GNG4: variants seen among roughly 807,000 people sequenced by gnomAD.
The protein encoded by GNG4 is guanine nucleotide-binding protein G(I)/G(S)/G(O) subunit gamma-4.
Under a neutral mutation model 5.8 loss-of-function variants are expected in GNG4, and 4 were observed. The observed-to-expected ratio is 0.69, with a 90% confidence interval of 0.34 to 1.57. The LOEUF is 1.57. Ranked by LOEUF, GNG4 falls within the 40% of genes most tolerant of loss-of-function variation. GNG4 has a pLI of 0.06. For missense variants in GNG4, 96 were observed against 95.1 expected (o/e 1.01, Z -0.04); for synonymous variants, 29 against 32.9 (o/e 0.88, Z 0.41).
At chr1:235,593,885 C>G (rs1203507200) in intron 2 of GNG4, among the ~76,000 whole-genome samples, 1 of 152,160 alleles carries the variant, frequency 6.6e-6, no homozygotes, top group East Asian at 1.9e-4. Flanking sequence ...GAATTTGTTG[C>G]AAAGAGCAAA....
chr1:235,641,579 C>T (rs543019823), intron 1 of GNG4, among the ~76,000 whole-genome samples: 7 of 152,050 alleles, frequency 4.6e-5, no homozygotes, highest in Non-Finnish European at 8.8e-5. Context: ...TAATCCCAGC[C>T]GCTAGGGAGG....
chr1:235,561,757 C>G (rs886789643), intron 3 of GNG4, among the ~76,000 whole-genome samples: 1 of 152,156 alleles, frequency 6.6e-6, no homozygotes, highest in African/African-American at 2.4e-5. Flanking sequence ...TTTCTCCCAG[C>G]GTGTGGCTTG....
At chr1:235,630,343 CA>C (rs1473137058) in intron 1 of GNG4, among the ~76,000 whole-genome samples, 3 of 152,212 alleles carry the variant, frequency 2.0e-5, no homozygotes, top group African/African-American at 7.2e-5. Flanking sequence ...TACACATCTT[CA>C]AATGCCGTAA....
At chr1:235,568,913 T>A (rs1211272277) in intron 3 of GNG4, among the ~76,000 whole-genome samples, 3 of 151,614 alleles carry the variant, frequency 2.0e-5, no homozygotes, top group African/African-American at 7.3e-5. Flanking sequence ...TGAAACCTTC[T>A]CCGCCTAGGT....
rs1686699120 is a variant in GNG4, at chr1:235,550,020, G to A, written c.*2089C>T. 1 of 152,212 alleles carries A rather than the reference G, an allele frequency of 6.6e-6. No individual in the cohort carries two copies. Among genetic ancestry groups the A allele is most frequent in the Admixed American group, 6.5e-5 (1 of 15,286 alleles). The allele number at this position is 152,212 out of a possible 1,614,324, so 9.4% of individuals were successfully genotyped here. Reference sequence around the variant, plus strand: ...CAAATGGCCTGTTCTCTATCACACAGCAAGTCTCTTTCAGAACTAGGGAGA... The same window carrying A: ...CAAATGGCCTGTTCTCTATCACACAACAAGTCTCTTTCAGAACTAGGGAGA... On this transcript the variant is annotated 3_prime_UTR_variant, in exon 4 of 4. Coordinates refer to ENST00000391854, the MANE Select transcript of GNG4 (RefSeq NM_001098722.2).
intron 1 of GNG4, among the ~76,000 whole-genome samples, chr1:235,607,835 C>T (rs1383126074): frequency 6.6e-6 from 1 of 152,194 alleles, no homozygotes; most frequent in African/African-American, 2.4e-5. Context: ...GGCCCAGCCC[C>T]CTCCCCTCAC....
chr1:235,609,159 T>C (rs1688424861), intron 1 of GNG4, among the ~76,000 whole-genome samples: 1 of 152,174 alleles, frequency 6.6e-6, no homozygotes, highest in African/African-American at 2.4e-5. Context: ...TGTAATGTTT[T>C]CAGGATTCAT....
chr1:235,570,361 A>G, intron 3 of GNG4, among the ~76,000 whole-genome samples: 1 of 99,698 alleles, frequency 1.0e-5, no homozygotes, highest in African/African-American at 3.9e-5. Flanking sequence ...TAGCTTTTCC[A>G]CCTCCCTTTC....
chr1:235,582,845 G>T (rs1186754906), intron 3 of GNG4, among the ~76,000 whole-genome samples: 3 of 152,160 alleles, frequency 2.0e-5, no homozygotes, highest in African/African-American at 7.2e-5. Flanking sequence ...TCCTTGGAGA[G>T]GTTGTACCCC....
At chr1:235,554,619 G>A (rs1686844512) in intron 3 of GNG4, among the ~76,000 whole-genome samples, 1 of 152,132 alleles carries the variant, frequency 6.6e-6, no homozygotes, top group South Asian at 2.1e-4. Flanking sequence ...CAAGGCGGGT[G>A]GATCGCCTGA....
At chr1:235,575,298 ATCGTAAGTTGAAAATG>A (rs1473920601) in intron 3 of GNG4, among the ~76,000 whole-genome samples, 7 of 152,300 alleles carry the variant, frequency 4.6e-5, no homozygotes, top group Non-Finnish European at 1.0e-4. Flanking sequence ...GCATAAACCC[ATCGTAAGTTGAAAATG>A]TCGTAAGTTG....
At chr1:235,604,146 G>GTTA (rs1415738427) in intron 1 of GNG4, among the ~76,000 whole-genome samples, 3 of 152,198 alleles carry the variant, frequency 2.0e-5, no homozygotes, top group Admixed American at 6.5e-5. Flanking sequence ...TGACTGCTGG[G>GTTA]TTATTCAAGT....
chr1:235,610,841 T>C lies in GNG4; in HGVS notation c.-122-15330A>G, dbSNP rs555928351. The stretch of plus-strand genomic sequence containing the variant: ...GGCTCACTCCTGTAATCCCAACACT[T>C]TGGGAGGCTGAGGAGGGCGGATCAC... On this transcript the variant is annotated intron_variant, in intron 1 of 3. Coordinates refer to ENST00000391854, the MANE Select transcript of GNG4 (RefSeq NM_001098722.2). Among the ~76,000 whole-genome samples the C allele has an allele frequency of 1.6e-4, 25 of 152,104 alleles. No homozygotes were observed. In the South Asian group the frequency reaches 5.2e-3, roughly 32 times the overall value.
chr1:235,622,878 A>G (rs1208954984), intron 1 of GNG4, among the ~76,000 whole-genome samples: 1 of 149,266 alleles, frequency 6.7e-6, no homozygotes, highest in Admixed American at 6.7e-5. Flanking sequence ...CATCTCAAAA[A>G]AAAAAAAAAA....
intron 2 of GNG4, among the ~76,000 whole-genome samples, chr1:235,589,683 G>A (rs886223243): frequency 2.6e-5 from 4 of 152,240 alleles, no homozygotes; most frequent in Admixed American, 2.6e-4. Context: ...TCATAGGGAG[G>A]GTTTTCCTCC....
chr1:235,592,825 C>T (rs1023548360), intron 2 of GNG4, among the ~76,000 whole-genome samples: 7 of 152,176 alleles, frequency 4.6e-5, no homozygotes, highest in Non-Finnish European at 1.0e-4. Flanking sequence ...GAGCATGAGC[C>T]GCCGGGTCCT....
At chr1:235,576,351 C>T (rs757455067) in intron 3 of GNG4, among the ~76,000 whole-genome samples, 20 of 152,056 alleles carry the variant, frequency 1.3e-4, no homozygotes, top group Non-Finnish European at 2.5e-4. Context: ...CGTGAGCCAC[C>T]GCGCCCAACC....
intron 1 of GNG4, among the ~76,000 whole-genome samples, chr1:235,599,560 C>T (rs1007554226): frequency 6.6e-6 from 1 of 152,114 alleles, no homozygotes; most frequent in Non-Finnish European, 1.5e-5. Context: ...AAGTGATCCG[C>T]CCACCTTGGC....
intron 1 of GNG4, among the ~76,000 whole-genome samples, chr1:235,624,186 T>C (rs1688763739): frequency 6.6e-6 from 1 of 150,852 alleles, no homozygotes; most frequent in African/African-American, 2.4e-5. Flanking sequence ...CACTGCAACC[T>C]CTGCCTCCTG....
Sources: allele counts gnomAD v4.1 joint callset (sites outside exome capture counted in the v4.1 genomes callset), GRCh38; gene constraint gnomAD v4.1.1; transcripts MANE v1.5; gene names NCBI Gene and HGNC (gene_info 2026-07-23, HGNC 2026-07-21).